TOGARAM2: variants seen among roughly 807,000 people sequenced by gnomAD.
The protein encoded by TOGARAM2 is TOG array regulator of axonemal microtubules protein 2.
In TOGARAM2, 85 loss-of-function variants were observed where a neutral mutation model predicts 93.3. The observed-to-expected ratio is 0.91, with a 90% confidence interval of 0.76 to 1.09. The LOEUF is 1.09. Among genes scored for constraint, TOGARAM2 ranks in the 50% least tolerant of loss-of-function variants. The probability of loss-of-function intolerance (pLI) is 0.00; values close to 1 mark genes in which losing one functional copy is unlikely to be tolerated. For synonymous variants in TOGARAM2, 593 were observed against 552.8 expected (o/e 1.07, Z -1.02); for missense variants, 1,277 against 1,334.5 (o/e 0.96, Z 0.67).
chr2:29,027,115 A>T (rs925766969), intron 14 of TOGARAM2, 104 bp downstream of exon 14: 2 of 1,213,392 alleles, frequency 1.6e-6, no homozygotes, highest in Admixed American at 6.1e-5. Flanking sequence ...CTGCAGAGGG[A>T]CAGGCAGGTA....
intron 9 of TOGARAM2, 107 bp from the exon 10 acceptor site, chr2:29,017,685 A>G (rs541016389): frequency 8.9e-7 from 1 of 1,118,908 alleles, no homozygotes; most frequent in Admixed American, 3.1e-5. Flanking sequence ...TGTTGGGGGT[A>G]CTGGCATGAG....
chr2:29,044,300 A>G (rs1376283543), intron 18 of TOGARAM2, among the ~76,000 whole-genome samples: 5 of 152,202 alleles, frequency 3.3e-5, no homozygotes, highest in Non-Finnish European at 5.9e-5. Context: ...CATCTTTGCA[A>G]GTACATTCAT....
chr2:29,004,117 G>A (rs1673479060), intron 6 of TOGARAM2, among the ~76,000 whole-genome samples: 1 of 152,114 alleles, frequency 6.6e-6, no homozygotes, highest in South Asian at 2.1e-4. Context: ...TGAGTAGCTG[G>A]GATTACAGGC....
chr2:28,998,328 G>A (rs1673101932), intron 3 of TOGARAM2, 75 bp downstream of exon 3: 2 of 1,014,286 alleles, frequency 2.0e-6, no homozygotes, highest in East Asian at 2.7e-5. Context: ...GGTAGATGCC[G>A]GCTGTGTTCT....
Position 29,024,280 on chromosome 2 carries a change from T to C in TOGARAM2, c.1759T>C (p.Phe587Leu). 1 of 1,613,218 alleles carries C rather than the reference T, an allele frequency of 6.2e-7. No individual in the cohort carries two copies. Among genetic ancestry groups the C allele is most frequent in the Non-Finnish European group, 8.5e-7 (1 of 1,179,618 alleles). The change falls in exon 13 of 20, where the codon TTC becomes CTC. Residue 587 changes from phenylalanine to leucine, a missense_variant. Coordinates refer to ENST00000379558, the MANE Select transcript of TOGARAM2 (RefSeq NM_199280.4). ...GCAGAAGATGGCGGACACCAACGAGTTCATCCAGAGAGCAGCCGGCCAGTC... is the reference window on the plus strand; with the variant it reads ...GCAGAAGATGGCGGACACCAACGAGCTCATCCAGAGAGCAGCCGGCCAGTC... ...LLQKMADTNE[F>L]IQRAAGQSLR...
At chr2:28,994,560 G>T (rs1192621981) in intron 1 of TOGARAM2, among the ~76,000 whole-genome samples, 165 bp from the exon 2 acceptor site, 3 of 152,186 alleles carry the variant, frequency 2.0e-5, no homozygotes, top group African/African-American at 7.2e-5. Context: ...TCGCACTTGG[G>T]AACTGAAACA....
chr2:29,019,734 C>T (rs944352223), intron 10 of TOGARAM2, among the ~76,000 whole-genome samples: 1 of 152,230 alleles, frequency 6.6e-6, no homozygotes, highest in Non-Finnish European at 1.5e-5. Flanking sequence ...CCTCTTACAA[C>T]CATCCTGGAA....
At chr2:28,960,495 A>G (rs1671788247) in intron 1 of TOGARAM2, among the ~76,000 whole-genome samples, 1 of 152,056 alleles carries the variant, frequency 6.6e-6, no homozygotes, top group African/African-American at 2.4e-5. Context: ...ACACTCACTC[A>G]CTGGGTTTGT....
chr2:29,028,315 TG>T (rs1187508584), intron 14 of TOGARAM2, among the ~76,000 whole-genome samples: 1 of 152,224 alleles, frequency 6.6e-6, no homozygotes, highest in Admixed American at 6.5e-5. Flanking sequence ...CCCTGAGGGA[TG>T]TAGTGCCTGC....
At chr2:29,037,036 G>A (rs1666156660) in intron 18 of TOGARAM2, among the ~76,000 whole-genome samples, 1 of 152,140 alleles carries the variant, frequency 6.6e-6, no homozygotes, top group African/African-American at 2.4e-5. Flanking sequence ...ACCCCCCAGG[G>A]TCACAAAGCA....
At chr2:29,050,776 C>T (rs186536408) in intron 19 of TOGARAM2, 11 of 152,344 alleles carry the variant, frequency 7.2e-5, no homozygotes, top group African/African-American at 1.9e-4. Context: ...AGTGCTAATG[C>T]GCTTAGGATA....
rs924289563 is a variant in TOGARAM2, at chr2:29,047,596, C to T, written c.2722+2186C>T. ...ATGGGGCTTGCTCCCGCATGCTGGC[C>T]CCCAGAAGGGCCTCACCATCTTTGC... On this transcript the variant is annotated intron_variant, in intron 19 of 19. Transcript: ENST00000379558. The T allele has an allele frequency of 3.3e-5, 5 of 152,230 alleles. No individual in the cohort carries two copies. The East Asian group carries it at 9.6e-4, about 29-fold the overall frequency. 9.4% of individuals were successfully genotyped at this position (152,230 alleles called of 1,614,324 possible).
intron 1 of TOGARAM2, among the ~76,000 whole-genome samples, chr2:28,967,611 C>T (rs1012209083): frequency 6.6e-6 from 1 of 152,186 alleles, no homozygotes; most frequent in East Asian, 1.9e-4. Flanking sequence ...GCTGACCTAG[C>T]GTGACTTTTC....
At chr2:28,992,144 G>A (rs1164245197) in intron 1 of TOGARAM2, among the ~76,000 whole-genome samples, 3 of 152,190 alleles carry the variant, frequency 2.0e-5, no homozygotes, top group Non-Finnish European at 4.4e-5. Context: ...TGTCTGCCCT[G>A]TCCACACTTG....
chr2:29,017,399 T>TTTA, intron 9 of TOGARAM2, 95 bp downstream of exon 9: 1 of 1,202,584 alleles, frequency 8.3e-7, no homozygotes, highest in Non-Finnish European at 1.1e-6. Flanking sequence ...TTTTAAAATT[T>TTTA]TTATTAGTAT....
chr2:29,004,935 TGTGTGTGCATG>T (rs1673561520), intron 6 of TOGARAM2, among the ~76,000 whole-genome samples: 1 of 104,180 alleles, frequency 9.6e-6, no homozygotes, highest in Non-Finnish European at 2.0e-5. Context: ...TGTGAGTGCA[TGTGTGTGCATG>T]TGTGTGCATG....
intron 2 of TOGARAM2, among the ~76,000 whole-genome samples, chr2:28,996,854 C>T (rs1673016894): frequency 6.8e-6 from 1 of 146,944 alleles, no homozygotes; most frequent in Non-Finnish European, 1.5e-5. Context: ...ATCCATGTTG[C>T]TGCAAGTGGC....
At chr2:29,017,735 A>T in intron 9 of TOGARAM2, 57 bp from the exon 10 acceptor site, 2 of 1,482,182 alleles carry the variant, frequency 1.3e-6, no homozygotes, top group East Asian at 2.5e-5. Context: ...AAAGGAGGAC[A>T]TTGAGGCCAG....
chr2:29,001,040 G>C (rs943705560), intron 4 of TOGARAM2, among the ~76,000 whole-genome samples: 1 of 152,122 alleles, frequency 6.6e-6, no homozygotes, highest in African/African-American at 2.4e-5. Flanking sequence ...GACTTATCAG[G>C]CCCCTCAGCA....
Sources: gnomAD v4.1 joint callset for allele counts (sites outside exome capture counted in the v4.1 genomes callset) on GRCh38, gnomAD v4.1.1 for gene constraint, MANE v1.5 for transcripts, NCBI Gene and HGNC (gene_info 2026-07-23, HGNC 2026-07-21) for gene names.